Variants in ATAD2 observed in about 807,000 individuals in gnomAD.
The protein encoded by ATAD2 is ATPase family AAA domain-containing protein 2.
ATAD2 carries 62 observed loss-of-function variants against 168.9 expected under a neutral mutation model. The ratio of observed to expected loss-of-function variants is 0.37; its 90% CI spans 0.30 to 0.45. The LOEUF (loss-of-function observed/expected upper bound fraction) is 0.45, where lower values mean the gene tolerates loss of function less well. Among genes scored for constraint, ATAD2 ranks in the 20% least tolerant of loss-of-function variants. The probability of loss-of-function intolerance (pLI) is 1.00; values close to 1 mark genes in which losing one functional copy is unlikely to be tolerated. For missense variants in ATAD2, 1,419 were observed against 1,667.8 expected (o/e 0.85, Z 2.60); for synonymous variants, 613 against 571.6 (o/e 1.07, Z -1.03).
chr8:123,367,312 G>C (rs1829010118), intron 8 of ATAD2, among the ~76,000 whole-genome samples: 1 of 152,198 alleles, frequency 6.6e-6, no homozygotes, highest in South Asian at 2.1e-4. Context: ...AGCTACTCGG[G>C]GGGCTGAGGC....
At position 123,345,074 on chromosome 8, in the gene ATAD2, T is replaced by C. The variant is rs374707437; in HGVS notation, c.2533-5A>G. The C allele has an allele frequency of 4.4e-6, 7 of 1,592,436 alleles. No individual in the cohort carries two copies. The highest frequency in any genetic ancestry group is 2.7e-5 in the African/African-American group (2 of 74,414). Reference sequence around the variant, plus strand: ...TCTCTTAGCTTCACGAATCACCTAGTAGAGAGAGAACAAAACAAATTCAGT... The same window carrying C: ...TCTCTTAGCTTCACGAATCACCTAGCAGAGAGAGAACAAAACAAATTCAGT... On this transcript the variant is annotated splice_polypyrimidine_tract_variant and splice_region_variant and intron_variant, in intron 18 of 27. Transcript: ENST00000287394.
In ATAD2 at chr8:123,360,395, G is replaced by A. The variant is rs1828778536; in HGVS notation, c.1158-710C>T. Among the ~76,000 whole-genome samples, 5 of 152,280 alleles carry A rather than the reference G, an allele frequency of 3.3e-5. No homozygotes were observed. In the South Asian group the frequency reaches 1.0e-3, roughly 32 times the overall value. ...CTCACCCTGTCGCCCAGGCTGGAGT[G>A]CAGTGGTGTGATCTCGGCTCGCTGC... On this transcript the variant is annotated intron_variant, in intron 9 of 27. Transcript: ENST00000287394.
chr8:123,343,773 C>CA (rs1563840253), intron 19 of ATAD2, among the ~76,000 whole-genome samples: 1 of 151,894 alleles, frequency 6.6e-6, no homozygotes, highest in African/African-American at 2.4e-5. Context: ...GGAGGCAATA[C>CA]AAATAAAGCA....
At chr8:123,327,727 C>T (rs1246564178) in intron 25 of ATAD2, among the ~76,000 whole-genome samples, 2 of 152,058 alleles carry the variant, frequency 1.3e-5, no homozygotes, top group Non-Finnish European at 2.9e-5. Context: ...TATAAATAAT[C>T]TTGGACTTAA....
intron 23 of ATAD2, 34 bp downstream of exon 23, chr8:123,334,166 A>C: frequency 6.4e-6 from 10 of 1,558,210 alleles, no homozygotes; most frequent in Non-Finnish European, 8.6e-6. Context: ...TGATAATATT[A>C]GGTTGGTACA....
intron 1 of ATAD2, among the ~76,000 whole-genome samples, chr8:123,385,947 A>T (rs1364842603): frequency 6.6e-6 from 1 of 152,022 alleles, no homozygotes; most frequent in African/African-American, 2.4e-5. Flanking sequence ...GATGCTCAAC[A>T]TCACTAGTCA....
chr8:123,369,108 G>A lies in ATAD2; in HGVS notation c.999C>T (p.Tyr333=). 1 of 1,596,442 alleles carries A rather than the reference G, an allele frequency of 6.3e-7. No homozygotes were observed. Among genetic ancestry groups the A allele is most frequent in the South Asian group, 1.1e-5 (1 of 88,774 alleles). The change falls in exon 8 of 28, where the codon TAC becomes TAT. Residue 333 remains tyrosine, a synonymous_variant. Coordinates refer to ENST00000287394, the MANE Select transcript of ATAD2 (RefSeq NM_014109.4). ...TTCTTGGTCCTGCGGAAGATAATCG[G>A]TATCTTGGTCTTGCAGGAGAAGCTG... ...SGPASPARPR[Y]RLSSAGPRSP...
At chr8:123,398,226 C>CTTTT (rs1188897965), upstream of ATAD2, among the ~76,000 whole-genome samples, 95 of 101,754 alleles carry the variant, frequency 9.3e-4, 1 homozygote, top group African/African-American at 3.3e-3. Context: ...GGTTCTTGTT[C>CTTTT]TTTTTTTTTT....
At chr8:123,369,012 A>G (rs769572343) in intron 8 of ATAD2, 46 bp downstream of exon 8, 1 of 1,207,274 alleles carries the variant, frequency 8.3e-7, no homozygotes, top group South Asian at 1.5e-5. Context: ...CCCTAACATA[A>G]AAACAATTAT....
intron 1 of ATAD2, among the ~76,000 whole-genome samples, chr8:123,383,905 A>G (rs1475889769): frequency 6.6e-6 from 1 of 151,670 alleles, no homozygotes; most frequent in Non-Finnish European, 1.5e-5. Context: ...AACATGGTGA[A>G]ATCACGTCTT....
intron 1 of ATAD2, among the ~76,000 whole-genome samples, chr8:123,387,484 T>C (rs952336785): frequency 1.3e-5 from 2 of 152,168 alleles, no homozygotes; most frequent in Middle Eastern, 3.2e-3. Flanking sequence ...GACTTTCACT[T>C]TCTATTTTTC....
intron 13 of ATAD2, among the ~76,000 whole-genome samples, chr8:123,355,051 T>C (rs1403753331): frequency 6.6e-6 from 1 of 151,484 alleles, no homozygotes; most frequent in Non-Finnish European, 1.5e-5. Flanking sequence ...ACAATGAATA[T>C]AGTGTGACTG....
intron 27 of ATAD2, among the ~76,000 whole-genome samples, chr8:123,321,607 T>C (rs754880376): frequency 6.6e-5 from 10 of 152,084 alleles, no homozygotes; most frequent in Admixed American, 1.3e-4. Context: ...TTTTAAAATT[T>C]AGCACTCTCT....
intron 24 of ATAD2, among the ~76,000 whole-genome samples, chr8:123,330,119 G>A (rs1348094540): frequency 1.3e-5 from 2 of 151,446 alleles, no homozygotes; most frequent in African/African-American, 4.9e-5. Flanking sequence ...CTCCCAAGAA[G>A]GTAGGGCTAC....
chr8:123,328,637 A>C, intron 24 of ATAD2, 58 bp from the exon 25 acceptor site: 1 of 1,460,646 alleles, frequency 6.8e-7, no homozygotes, highest in African/African-American at 1.4e-5. Context: ...CTGAAATTCA[A>C]AGAGTGAAAA....
rs1244316077 is a variant in ATAD2 at position 123,396,271 on chromosome 8, G to C, written c.87C>G (p.Leu29=). The C allele has an allele frequency of 6.2e-7, 1 of 1,611,236 alleles. No homozygotes were observed. Among genetic ancestry groups the C allele is most frequent in the Non-Finnish European group, 8.5e-7 (1 of 1,179,652 alleles). ...GCCTCCGGCCGATGTGCTCCAGACTGAGGAAGTCACTGGACAGGTCCAAGG... is the reference window on the plus strand; with the variant it reads ...GCCTCCGGCCGATGTGCTCCAGACTCAGGAAGTCACTGGACAGGTCCAAGG... ...TGSLDLSSDF[L]SLEHIGRRRL... is the part of the protein sequence containing the mutation. The change falls in exon 1 of 28, where the codon CTC becomes CTG. Residue 29 remains leucine, a synonymous_variant. Transcript: ENST00000287394.
chr8:123,382,177 C>A (rs1829511229), intron 1 of ATAD2, among the ~76,000 whole-genome samples: 1 of 152,130 alleles, frequency 6.6e-6, no homozygotes, highest in African/African-American at 2.4e-5. Flanking sequence ...AAAAAAACAC[C>A]AAACATTTGA....
chr8:123,346,363 A>C, intron 17 of ATAD2, 91 bp from the exon 18 acceptor site: 1 of 1,268,750 alleles, frequency 7.9e-7, no homozygotes, highest in Non-Finnish European at 1.1e-6. Flanking sequence ...CATAAGTAAA[A>C]AGTCTTGCCA....
Position 123,369,940 on chromosome 8 carries a change from T to C in ATAD2, c.812A>G (p.Asp271Gly). 5.1e-6 allele frequency: 8 copies of C among 1,575,874 alleles called. No individual in the cohort carries two copies. The highest frequency in any genetic ancestry group is 1.4e-5 in the African/African-American group (1 of 73,460). The change falls in exon 7 of 28, where the codon GAT becomes GGT. Residue 271 changes from aspartate (D) to glycine (G), a missense_variant. Around this residue, in one of 5 missense-constraint regions of ATAD2, gnomAD observed 419 missense variants for 423.5 expected, o/e 0.99. Coordinates refer to ENST00000287394, the MANE Select transcript of ATAD2 (RefSeq NM_014109.4). The stretch of plus-strand genomic sequence containing the variant: ...ATCTTCATCATCATCATCATCATCA[T>C]CATCGTCATCATCATCATCATCTTC... ...DDEDDDDDDD[D>G]DDDDDDEDDE...
Sources: allele counts gnomAD v4.1 joint callset (sites outside exome capture counted in the v4.1 genomes callset), GRCh38; gene constraint gnomAD v4.1.1; regional missense constraint gnomAD v4.1.1; transcripts MANE v1.5; gene names NCBI Gene and HGNC (gene_info 2026-07-23, HGNC 2026-07-21).